Variants in GSG1L observed in about 807,000 individuals in gnomAD.
GSG1L encodes germ cell-specific gene 1-like protein.
A neutral mutation model predicts 42.1 loss-of-function variants in GSG1L; 24 were observed. The observed-to-expected ratio is 0.57, with a 90% CI of 0.41 to 0.80. The LOEUF is 0.80. Ranked by LOEUF, GSG1L falls within the 30% of genes least tolerant of loss-of-function variation. The probability of loss-of-function intolerance (pLI) is 0.00; values close to 1 mark genes in which losing one functional copy is unlikely to be tolerated. For synonymous variants in GSG1L, 215 were observed against 203.5 expected (o/e 1.06, Z -0.48); for missense variants, 445 against 472.2 (o/e 0.94, Z 0.53).
chr16:27,947,738 C>T (rs1329390974), intron 2 of GSG1L, among the ~76,000 whole-genome samples: 1 of 152,070 alleles, frequency 6.6e-6, no homozygotes, highest in East Asian at 1.9e-4. Context: ...GACCCTATTT[C>T]TTAAGGACCG....
intron 1 of GSG1L, among the ~76,000 whole-genome samples, chr16:27,975,241 C>T (rs1044450242): frequency 6.6e-6 from 1 of 152,124 alleles, no homozygotes; most frequent in African/African-American, 2.4e-5. Context: ...ATCTTTCTCT[C>T]CTTCTGCCCT....
chr16:28,053,250 C>T (rs1246820436), intron 1 of GSG1L, among the ~76,000 whole-genome samples: 1 of 152,218 alleles, frequency 6.6e-6, no homozygotes, highest in Non-Finnish European at 1.5e-5. Flanking sequence ...TCCCACATGC[C>T]ACGTTTGCTT....
chr16:27,934,450 G>A (rs550992822), intron 2 of GSG1L, among the ~76,000 whole-genome samples: 54 of 152,274 alleles, frequency 3.5e-4, no homozygotes, highest in African/African-American at 1.3e-3. Context: ...TAGGAGAATC[G>A]CTTGAACCTG....
chr16:27,943,566 C>CTTTTTTTTTTT (rs11385465), intron 2 of GSG1L, among the ~76,000 whole-genome samples: 3 of 67,722 alleles, frequency 4.4e-5, no homozygotes, highest in African/African-American at 5.9e-5. Context: ...TTCTTTGTTT[C>CTTTTTTTTTTT]TTTTTTTTTT....
chr16:27,941,402 G>A (rs1196106834), intron 2 of GSG1L, among the ~76,000 whole-genome samples: 1 of 150,732 alleles, frequency 6.6e-6, no homozygotes, highest in African/African-American at 2.4e-5. Flanking sequence ...TGGGCGCAGT[G>A]GTTCATGCCT....
intron 1 of GSG1L, among the ~76,000 whole-genome samples, chr16:27,977,907 C>T (rs7199357): frequency 0.036 from 5,504 of 152,272 alleles, 336 homozygotes; most frequent in African/African-American, 0.13. Context: ...GACCTTGTGG[C>T]ATCACCTTAT....
chr16:28,018,021 G>C (rs978716686), intron 1 of GSG1L, among the ~76,000 whole-genome samples: 9 of 152,038 alleles, frequency 5.9e-5, no homozygotes, highest in Non-Finnish European at 1.0e-4. Flanking sequence ...TTTTATAAGT[G>C]ATATATTTCA....
At chr16:27,987,045 C>G (rs552426493) in intron 1 of GSG1L, among the ~76,000 whole-genome samples, 1 of 152,022 alleles carries the variant, frequency 6.6e-6, no homozygotes, top group Non-Finnish European at 1.5e-5. Context: ...GGTGAAACCC[C>G]GTCTCTACTA....
chr16:27,930,653 C>A (rs557255871), intron 2 of GSG1L, among the ~76,000 whole-genome samples: 18 of 152,150 alleles, frequency 1.2e-4, no homozygotes, highest in Admixed American at 2.0e-4. Context: ...AGACATTGTC[C>A]CTGAGAATAC....
chr16:27,871,478 C>A (rs1021039700), intron 3 of GSG1L, among the ~76,000 whole-genome samples: 1 of 152,022 alleles, frequency 6.6e-6, no homozygotes. Context: ...CCCGTCTCTA[C>A]AAAAAATACA....
In GSG1L at chr16:27,791,430, G is replaced by C; in HGVS notation, c.936C>G (p.Ser312Arg). The C allele has an allele frequency of 1.3e-6, 2 of 1,522,246 alleles. No individual in the cohort carries two copies. Among genetic ancestry groups the C allele is most frequent in the South Asian group, 1.3e-5 (1 of 78,656 alleles). 94.3% of individuals were successfully genotyped at this position (1,522,246 alleles called of 1,614,324 possible). A position where few individuals can be genotyped will look rare whatever the true frequency, so the allele number is the denominator to read the frequency against. ...TCAGCTCTGGTGCTTCCTGTGCGGA[G>C]CTCCGGGGCCAGGAATCCGCCATGT... Reference protein sequence around the residue: ...QPHMADSWPRSSAQEAPELNR... With the variant: ...QPHMADSWPRRSAQEAPELNR... Residue 312 changes from serine (S) to arginine (R), a missense_variant, in exon 7 of 7, where the codon AGC (serine) becomes AGG (arginine). Transcript: ENST00000447459.
chr16:28,023,630 T>G (rs1040275279), intron 1 of GSG1L, among the ~76,000 whole-genome samples: 1 of 152,246 alleles, frequency 6.6e-6, no homozygotes, highest in African/African-American at 2.4e-5. Context: ...AAAGTGTTCC[T>G]CTTTCTTTGC....
intron 2 of GSG1L, among the ~76,000 whole-genome samples, chr16:27,931,936 T>C (rs150341216): frequency 6.6e-6 from 1 of 152,322 alleles, no homozygotes; most frequent in Non-Finnish European, 1.5e-5. Context: ...ATGAGATCTA[T>C]AGCACAAACT....
chr16:27,833,703 G>GTATAAATGATATATATTTTTAA (rs1567476548), intron 4 of GSG1L, among the ~76,000 whole-genome samples: 1 of 151,864 alleles, frequency 6.6e-6, no homozygotes. Context: ...CACTTTTTTA[G>GTATAAATGATATATATTTTTAA]TATAAATGAT....
intron 3 of GSG1L, among the ~76,000 whole-genome samples, chr16:27,865,358 C>T (rs2083701025): frequency 1.3e-5 from 2 of 151,608 alleles, no homozygotes; most frequent in South Asian, 2.1e-4. Context: ...GGAAGTGTCC[C>T]CTGCCCCAGC....
At chr16:27,993,163 T>G (rs2085473553) in intron 1 of GSG1L, among the ~76,000 whole-genome samples, 1 of 152,180 alleles carries the variant, frequency 6.6e-6, no homozygotes, top group Non-Finnish European at 1.5e-5. Context: ...TTGTTGTTGT[T>G]GTTGAGACAG....
At chr16:27,857,600 T>C (rs1036787040) in intron 3 of GSG1L, among the ~76,000 whole-genome samples, 3 of 151,540 alleles carry the variant, frequency 2.0e-5, no homozygotes, top group Non-Finnish European at 4.4e-5. Flanking sequence ...AGGCAAGGGG[T>C]TCTCTGAGAT....
chr16:27,915,196 TACACACACACAC>T (rs66820312), intron 2 of GSG1L, among the ~76,000 whole-genome samples: 322 of 121,866 alleles, frequency 2.6e-3, no homozygotes, highest in Middle Eastern at 3.9e-3. Context: ...CCAGAGGATG[TACACACACACAC>T]ACACACACAC....
intron 1 of GSG1L, among the ~76,000 whole-genome samples, chr16:27,982,942 G>T (rs919973434): frequency 6.6e-6 from 1 of 152,126 alleles, no homozygotes; most frequent in Non-Finnish European, 1.5e-5. Context: ...ATTTGTAGGG[G>T]ACAAATTACC....
Sources: gnomAD v4.1 joint callset for allele counts (sites outside exome capture counted in the v4.1 genomes callset) on GRCh38, gnomAD v4.1.1 for gene constraint, MANE v1.5 for transcripts, NCBI Gene and HGNC (gene_info 2026-07-23, HGNC 2026-07-21) for gene names.